The following ENTPD7 variants were observed in gnomAD, a reference collection of about 807,000 sequenced individuals.
ENTPD7 encodes NTPDase 7.
Under a neutral mutation model 77.9 loss-of-function variants are expected in ENTPD7, and 53 were observed. The observed-to-expected ratio is 0.68, with a 90% CI of 0.55 to 0.85. ENTPD7 has a LOEUF of 0.85. Among genes scored for constraint, ENTPD7 ranks in the 40% least tolerant of loss-of-function variants. The probability of loss-of-function intolerance (pLI) is 0.00; values close to 1 mark genes in which losing one functional copy is unlikely to be tolerated. For synonymous variants in ENTPD7, 248 were observed against 274.9 expected (o/e 0.90, Z 0.97); for missense variants, 636 against 743.7 (o/e 0.86, Z 1.68).
In ENTPD7 at chr10:99,709,027, T is replaced by C; in HGVS notation, c.*4344T>C. On this transcript the variant is annotated 3_prime_UTR_variant, in exon 13 of 13. Transcript: ENST00000370489. ...ATACTTTGTCAGAAATAGTGCCAAG[T>C]TTTCACTACATCTATTCTTGTTCCT... The C allele has an allele frequency of 1.0e-6, 1 of 984,392 alleles. No homozygotes were observed. Among genetic ancestry groups the C allele is most frequent in the Non-Finnish European group, 1.2e-6 (1 of 828,954 alleles). 61.0% of individuals were successfully genotyped at this position (984,392 alleles called of 1,614,324 possible).
chr10:99,666,090 G>C (rs1265643577), intron 3 of ENTPD7, among the ~76,000 whole-genome samples: 3 of 152,202 alleles, frequency 2.0e-5, no homozygotes, highest in Non-Finnish European at 4.4e-5. Context: ...GAGCTGTATG[G>C]CTGGAGAGCT....
chr10:99,709,418 G>C lies in ENTPD7; in HGVS notation c.*4735G>C. ...TAGTCTCTTAGGGACGCTAGCTCCA[G>C]ATTCCAGCCCCTGGGGCAATAACTT... On this transcript the variant is annotated 3_prime_UTR_variant, in exon 13 of 13. Coordinates refer to ENST00000370489, the MANE Select transcript of ENTPD7 (RefSeq NM_020354.5). 3 of 985,438 alleles carry C rather than the reference G, an allele frequency of 3.0e-6. No individual in the cohort carries two copies. The highest frequency in any genetic ancestry group is 3.6e-6 in the Non-Finnish European group (3 of 829,940). The allele number at this position is 985,438 out of a possible 1,614,324, so 61.0% of individuals were successfully genotyped here.
rs542807564 is a variant in ENTPD7, at chr10:99,707,724, G to A, written c.*3041G>A. Among the ~76,000 whole-genome samples the A allele has an allele frequency of 6.6e-6, 1 of 152,294 alleles. No homozygotes were observed. Among genetic ancestry groups the A allele is most frequent in the East Asian group, 1.9e-4 (1 of 5,190 alleles). ...TTGTAGTGATGCTTTTTAGTCTTGT[G>A]ATAGCACAATCCATCACTTTCCCCA... On this transcript the variant is annotated 3_prime_UTR_variant, in exon 13 of 13. Coordinates refer to ENST00000370489, the MANE Select transcript of ENTPD7 (RefSeq NM_020354.5).
chr10:99,696,638 C>T (rs919930983), intron 9 of ENTPD7, among the ~76,000 whole-genome samples: 5 of 152,160 alleles, frequency 3.3e-5, no homozygotes, highest in Non-Finnish European at 5.9e-5. Context: ...TTGGACAGAT[C>T]ACAGATTCTT....
At chr10:99,680,731 T>A (rs538223372) in intron 5 of ENTPD7, among the ~76,000 whole-genome samples, 39 of 151,692 alleles carry the variant, frequency 2.6e-4, no homozygotes, top group Admixed American at 2.6e-3. Context: ...GGACTACAGG[T>A]GGGCACCATC....
At chr10:99,684,410 A>G (rs891229416) in intron 5 of ENTPD7, among the ~76,000 whole-genome samples, 2 of 152,168 alleles carry the variant, frequency 1.3e-5, no homozygotes, top group Non-Finnish European at 2.9e-5. Flanking sequence ...CTTCCATATC[A>G]TTGCCAAAAC....
At chr10:99,678,980 G>A (rs1163581047) in intron 3 of ENTPD7, among the ~76,000 whole-genome samples, 1 of 151,024 alleles carries the variant, frequency 6.6e-6, no homozygotes, top group Non-Finnish European at 1.5e-5. Flanking sequence ...TCTAATGCTT[G>A]AAAAAAGATT....
In ENTPD7 at chr10:99,702,589, T is replaced by G; in HGVS notation, c.1499T>G (p.Leu500Arg). 2 of 1,613,650 alleles carry G rather than the reference T, an allele frequency of 1.2e-6. No homozygotes were observed. Among genetic ancestry groups the G allele is most frequent in the Non-Finnish European group, 1.7e-6 (2 of 1,179,848 alleles). The change falls in exon 12 of 13, where the codon CTG becomes CGG. Residue 500 changes from leucine (L) to arginine (R), a missense_variant. Around this residue, in one of 3 missense-constraint regions of ENTPD7, gnomAD observed 138 missense variants for 150.9 expected, o/e 0.91. Transcript: ENST00000370489. The stretch of plus-strand genomic sequence containing the variant: ...CACTTTCCCTATGACTACCCAAACC[T>G]GCGGACAGCCCAGCTGGTGTATGAC... The part of the protein sequence containing the change: ...GFHFPYDYPN[L>R]RTAQLVYDRE...
chr10:99,688,644 A>G (rs563831377), intron 6 of ENTPD7, 50 bp from the exon 7 acceptor site: 7 of 1,584,868 alleles, frequency 4.4e-6, no homozygotes, highest in Admixed American at 1.7e-5. Context: ...AGGTGTATAC[A>G]TGGCATAGCA....
intron 8 of ENTPD7, among the ~76,000 whole-genome samples, chr10:99,695,293 G>A (rs1316356226): frequency 6.6e-6 from 1 of 152,138 alleles, no homozygotes; most frequent in Non-Finnish European, 1.5e-5. Flanking sequence ...GGGAGGCTGA[G>A]AAGGGCTGAT....
intron 10 of ENTPD7, 79 bp downstream of exon 10, chr10:99,698,937 C>A: frequency 1.5e-6 from 2 of 1,343,950 alleles, no homozygotes; most frequent in Non-Finnish European, 2.0e-6. Flanking sequence ...AGGTGCTGTG[C>A]AAAGGGCTTT....
intron 3 of ENTPD7, among the ~76,000 whole-genome samples, chr10:99,677,359 C>CTTTTT (rs560338561): frequency 2.1e-4 from 20 of 93,796 alleles, no homozygotes; most frequent in South Asian, 4.2e-4. Flanking sequence ...GGGCAGATAG[C>CTTTTT]TTTTTTTTTT....
intron 3 of ENTPD7, among the ~76,000 whole-genome samples, chr10:99,670,103 C>T (rs2035603068): frequency 6.6e-6 from 1 of 152,052 alleles, no homozygotes; most frequent in African/African-American, 2.4e-5. Context: ...AAGACATGCT[C>T]CAATATTTTC....
rs879507272 is a variant in ENTPD7 at position 99,683,419 on chromosome 10, T to TA, written c.549-2365dup. Reference sequence around the variant, plus strand: ...TTCTACCTCCCTTTTATTTTGCAGTTAAAAAAAATCCCTTAAAAATTACAC... The same window carrying TA: ...TTCTACCTCCCTTTTATTTTGCAGTTAAAAAAAAATCCCTTAAAAATTACAC... On this transcript the variant is annotated intron_variant, in intron 5 of 12. Coordinates refer to ENST00000370489, the MANE Select transcript of ENTPD7 (RefSeq NM_020354.5). Among the ~76,000 whole-genome samples, 227 of 152,134 alleles carry TA rather than the reference T, an allele frequency of 1.5e-3. 1 individual carries two copies. Among genetic ancestry groups the TA allele is most frequent in the Admixed American group, 5.7e-3 (87 of 15,272 alleles).
rs1183224467 is a variant in ENTPD7, at chr10:99,685,733, G to T, written c.549-59G>T. 3 of 1,249,766 alleles carry T rather than the reference G, an allele frequency of 2.4e-6. No homozygotes were observed. In the African/African-American group the frequency reaches 4.4e-5, roughly 18 times the overall value. 77.4% of individuals were successfully genotyped at this position (1,249,766 alleles called of 1,614,324 possible). On this transcript the variant is annotated intron_variant, in intron 5 of 12. Coordinates refer to ENST00000370489, the MANE Select transcript of ENTPD7 (RefSeq NM_020354.5). ...AGGCTAAGTAGAAGGACAAGTTGAG[G>T]CAGTTTATGAGAAGAGAGTTTAGTG...
At chr10:99,704,319 T>G in intron 12 of ENTPD7, 133 bp from the exon 13 acceptor site, 1 of 863,836 alleles carries the variant, frequency 1.2e-6, no homozygotes, top group Non-Finnish European at 1.8e-6. Flanking sequence ...GCCTGCTCTG[T>G]GGAGCTGGTG....
In ENTPD7 at chr10:99,710,655, T is replaced by A. The variant is rs1009687800; in HGVS notation, c.*5972T>A. The A allele has an allele frequency of 6.1e-6, 6 of 985,266 alleles. No homozygotes were observed. The Admixed American group carries it at 3.7e-4, about 61-fold the overall frequency. The allele number at this position is 985,266 out of a possible 1,614,324, so 61.0% of individuals were successfully genotyped here. On this transcript the variant is annotated 3_prime_UTR_variant, in exon 13 of 13. Coordinates refer to ENST00000370489, the MANE Select transcript of ENTPD7 (RefSeq NM_020354.5). ...ATGCATTCTCCCTTATGCAGGGACA[T>A]GGGTATATGTGTTACATATGCTGAT...
In ENTPD7 at chr10:99,659,938, A is replaced by G. The variant is rs756873283; in HGVS notation, c.-19A>G. ...AAGAAAAAGAAGGTGACAGGCGTTG[A>G]GACCACCGAAGGGAACCCATGGCTA... On this transcript the variant is annotated 5_prime_UTR_variant, in exon 2 of 13. Transcript: ENST00000370489. This position sits in a 1 kb window ranked among gnomAD's most constrained non-coding sequence, Gnocchi z 4.1. 1.2e-6 allele frequency: 2 copies of G among 1,613,836 alleles called. No homozygotes were observed. The highest frequency in any genetic ancestry group is 2.7e-5 in the African/African-American group (2 of 74,898).
chr10:99,680,207 T>C (rs995336307), intron 5 of ENTPD7, among the ~76,000 whole-genome samples: 1 of 152,184 alleles, frequency 6.6e-6, no homozygotes, highest in South Asian at 2.1e-4. Context: ...AGAGCTCTGG[T>C]AGGAACACTA....
Sources: allele counts gnomAD v4.1 joint callset (sites outside exome capture counted in the v4.1 genomes callset), GRCh38; gene constraint gnomAD v4.1.1; regional missense constraint gnomAD v4.1.1; non-coding constraint Gnocchi (gnomAD v3.1); transcripts MANE v1.5; gene names NCBI Gene and HGNC (gene_info 2026-07-23, HGNC 2026-07-21).